CTTNBP2NL: variants seen among roughly 807,000 people sequenced by gnomAD.
The protein encoded by CTTNBP2NL is CTTNBP2 N-terminal-like protein.
A neutral mutation model predicts 32.5 loss-of-function variants in CTTNBP2NL; 16 were observed. The ratio of observed to expected loss-of-function variants is 0.49; its 90% confidence interval spans 0.33 to 0.75. The LOEUF (loss-of-function observed/expected upper bound fraction) is 0.75, where lower values mean the gene tolerates loss of function less well. Among genes scored for constraint, CTTNBP2NL ranks in the 30% least tolerant of loss-of-function variants. CTTNBP2NL has a pLI of 0.02. For synonymous variants in CTTNBP2NL, 298 were observed against 289.4 expected (o/e 1.03, Z -0.30); for missense variants, 645 against 756.0 (o/e 0.85, Z 1.72).
At chr1:112,408,383 C>T (rs916783966) in intron 1 of CTTNBP2NL, among the ~76,000 whole-genome samples, 1 of 151,846 alleles carries the variant, frequency 6.6e-6, no homozygotes, top group African/African-American at 2.4e-5. Context: ...TGTTTTACTT[C>T]CTAGCCTAAC....
intron 2 of CTTNBP2NL, among the ~76,000 whole-genome samples, chr1:112,414,494 CT>C (rs1332897443): frequency 5.3e-5 from 8 of 152,196 alleles, no homozygotes; most frequent in Admixed American, 6.5e-5. Flanking sequence ...TACATGTTCA[CT>C]TAAAAGCAGT....
intron 3 of CTTNBP2NL, among the ~76,000 whole-genome samples, chr1:112,420,057 C>T (rs932117588): frequency 6.6e-6 from 1 of 151,924 alleles, no homozygotes; most frequent in African/African-American, 2.4e-5. Context: ...TTTATATTTA[C>T]AGTATTCATA....
rs1649057672 is a variant in CTTNBP2NL, at chr1:112,416,211, A to G, written c.46A>G (p.Ser16Gly). 1.2e-6 allele frequency: 2 copies of G among 1,608,756 alleles called. No homozygotes were observed. The highest frequency in any genetic ancestry group is 1.7e-6 in the Non-Finnish European group (2 of 1,177,972). ...CAAGCCTGAACTCCTGACACTATTT[A>G]GTATTCTTGAAGGAGAGCTTGAAGC... The part of the protein sequence containing the change: ...LSKPELLTLF[S>G]ILEGELEARD... Residue 16 changes from serine (S) to glycine (G), a missense_variant, in exon 3 of 6, where the codon AGT (serine) becomes GGT (glycine). Coordinates refer to ENST00000271277, the MANE Select transcript of CTTNBP2NL (RefSeq NM_018704.3).
intron 4 of CTTNBP2NL, among the ~76,000 whole-genome samples, chr1:112,452,949 C>A (rs1310544485): frequency 6.6e-6 from 1 of 150,652 alleles, no homozygotes; most frequent in African/African-American, 2.4e-5. Flanking sequence ...ATGGCGACAC[C>A]CCATTTCTAC....
intron 3 of CTTNBP2NL, among the ~76,000 whole-genome samples, chr1:112,416,512 T>TC (rs1403373436): frequency 1.3e-5 from 2 of 151,750 alleles, no homozygotes; most frequent in Non-Finnish European, 2.9e-5. Flanking sequence ...TCTTTTTTTT[T>TC]TTTTGAGACG....
At chr1:112,432,125 G>A (rs1194515768) in intron 3 of CTTNBP2NL, among the ~76,000 whole-genome samples, 1 of 138,440 alleles carries the variant, frequency 7.2e-6, no homozygotes, top group African/African-American at 2.7e-5. Context: ...CCAGGCTGGA[G>A]TGCAGTGGCA....
intron 3 of CTTNBP2NL, among the ~76,000 whole-genome samples, chr1:112,438,397 A>AT (rs1169243020): frequency 6.6e-6 from 1 of 152,130 alleles, no homozygotes; most frequent in African/African-American, 2.4e-5. Context: ...TTGATTTTGT[A>AT]TCCTAGACTT....
At chr1:112,437,970 T>C (rs1015680295) in intron 3 of CTTNBP2NL, among the ~76,000 whole-genome samples, 3 of 152,258 alleles carry the variant, frequency 2.0e-5, no homozygotes, top group African/African-American at 7.2e-5. Context: ...ATCCCATTTA[T>C]CAATTTTTGC....
At chr1:112,441,212 G>A (rs1649883226) in intron 3 of CTTNBP2NL, among the ~76,000 whole-genome samples, 1 of 152,182 alleles carries the variant, frequency 6.6e-6, no homozygotes, top group East Asian at 1.9e-4. Flanking sequence ...TCATCCCCCT[G>A]TCCCCAGAGG....
rs1399861572 is a variant in CTTNBP2NL, at chr1:112,456,725, C to A, written c.1233C>A (p.Ser411Arg). 2 of 1,614,026 alleles carry A rather than the reference C, an allele frequency of 1.2e-6. No individual in the cohort carries two copies. The highest frequency in any genetic ancestry group is 2.2e-5 in the South Asian group (2 of 91,074). The change falls in exon 6 of 6, where the codon AGC (serine) becomes AGA (arginine). Residue 411 changes from serine (S) to arginine (R), a missense_variant. Physicochemically the swap from Ser to Arg is moderately radical, Grantham distance 110. Transcript: ENST00000271277. ...PMPSPLSSSG[S>R]SLSPSSTASS... ...CCAGTCCCCTCTCTTCCAGTGGGAG[C>A]TCACTGTCTCCCAGCAGCACTGCCT...
At chr1:112,441,522 A>G (rs1035911889) in intron 3 of CTTNBP2NL, among the ~76,000 whole-genome samples, 2 of 152,100 alleles carry the variant, frequency 1.3e-5, no homozygotes, top group African/African-American at 4.8e-5. Flanking sequence ...ATTGTATAAA[A>G]CTCTTGTAGA....
chr1:112,403,098 A>G (rs771166539), intron 1 of CTTNBP2NL, among the ~76,000 whole-genome samples: 13 of 152,124 alleles, frequency 8.5e-5, no homozygotes, highest in Admixed American at 3.9e-4. Flanking sequence ...TAACTAAGTA[A>G]ATTCTTTTTA....
Position 112,459,548 on chromosome 1 carries a change from T to A in CTTNBP2NL, c.*2136T>A, listed in dbSNP as rs1487693257. ...ATTGGCAACTCCACAGCTTATAGTT[T>A]GATAAAGGCAAATACATGAAAAATA... On this transcript the variant is annotated 3_prime_UTR_variant, in exon 6 of 6. Transcript: ENST00000271277. 1 of 152,210 alleles carries A rather than the reference T, an allele frequency of 6.6e-6. No homozygotes were observed. The highest frequency in any genetic ancestry group is 2.4e-5 in the African/African-American group (1 of 41,452). The allele number at this position is 152,210 out of a possible 1,614,324, so 9.4% of individuals were successfully genotyped here.
chr1:112,419,437 A>G (rs1649160445), intron 3 of CTTNBP2NL, among the ~76,000 whole-genome samples: 1 of 152,216 alleles, frequency 6.6e-6, no homozygotes, highest in African/African-American at 2.4e-5. Flanking sequence ...ATAGAAAACA[A>G]AAGTTACCAT....
intron 3 of CTTNBP2NL, among the ~76,000 whole-genome samples, chr1:112,429,633 A>G (rs1210487575): frequency 6.6e-6 from 1 of 152,202 alleles, no homozygotes; most frequent in African/African-American, 2.4e-5. Flanking sequence ...TCTTTACACA[A>G]TGAAGTATAT....
At chr1:112,413,430 G>A (rs368125580) in intron 2 of CTTNBP2NL, among the ~76,000 whole-genome samples, 7 of 152,278 alleles carry the variant, frequency 4.6e-5, no homozygotes, top group African/African-American at 1.7e-4. Flanking sequence ...TATCAGCAAT[G>A]TGGTAAGATG....
At chr1:112,452,362 TAGACAGAG>T (rs1650250371) in intron 4 of CTTNBP2NL, among the ~76,000 whole-genome samples, 4 of 127,776 alleles carry the variant, frequency 3.1e-5, no homozygotes, top group African/African-American at 9.3e-5. Flanking sequence ...TTTTTTTTTT[TAGACAGAG>T]TTTCACTCTT....
chr1:112,437,521 T>TCTTGTTTG (rs1649770218), intron 3 of CTTNBP2NL, among the ~76,000 whole-genome samples: 1 of 152,128 alleles, frequency 6.6e-6, no homozygotes, highest in African/African-American at 2.4e-5. Flanking sequence ...TCCTTTGTTT[T>TCTTGTTTG]TTTTTGTTTG....
At chr1:112,405,615 G>A (rs1480592749) in intron 1 of CTTNBP2NL, among the ~76,000 whole-genome samples, 2 of 152,028 alleles carry the variant, frequency 1.3e-5, no homozygotes, top group Non-Finnish European at 2.9e-5. Flanking sequence ...GTTTTTAATA[G>A]CTTTGCACTA....
Sources: gnomAD v4.1 joint callset for allele counts (sites outside exome capture counted in the v4.1 genomes callset) on GRCh38, gnomAD v4.1.1 for gene constraint, MANE v1.5 for transcripts, NCBI Gene and HGNC (gene_info 2026-07-23, HGNC 2026-07-21) for gene names.